RASAL2: variants seen among roughly 807,000 people sequenced by gnomAD.
RASAL2 encodes the protein ras GTPase-activating protein nGAP.
Under a neutral mutation model 128.9 loss-of-function variants are expected in RASAL2, and 58 were observed. The observed-to-expected ratio is 0.45, with a 90% CI of 0.36 to 0.56. The LOEUF (loss-of-function observed/expected upper bound fraction) is 0.56. Ranked by LOEUF, RASAL2 falls within the 20% of genes least tolerant of loss-of-function variation. The pLI is 0.00. For synonymous variants in RASAL2, 561 were observed against 580.8 expected (o/e 0.97, Z 0.49); for missense variants, 1,360 against 1,601.6 (o/e 0.85, Z 2.57).
chr1:178,441,603 G>T lies in RASAL2; in HGVS notation c.883G>T (p.Asp295Tyr). ...CAGCTGTAATTCTGCTTCTGAGAGA[G>T]ACAAGTGGATGGAAAACCTTCGCAG... ...CFSCNSASER[D>Y]KWMENLRRTV... The change falls in exon 7 of 18, where the codon GAC becomes TAC. Residue 295 changes from aspartate (D) to tyrosine (Y), a missense_variant. Around this residue, in one of 3 missense-constraint regions of RASAL2, gnomAD observed 617 missense variants for 714.2 expected, o/e 0.86. Coordinates refer to ENST00000367649, the MANE Select transcript of RASAL2 (RefSeq NM_170692.4). The T allele has an allele frequency of 6.2e-7, 1 of 1,612,710 alleles. No individual in the cohort carries two copies. Among genetic ancestry groups the T allele is most frequent in the South Asian group, 1.1e-5 (1 of 91,024 alleles).
At chr1:178,358,377 A>C (rs1670930165) in intron 3 of RASAL2, among the ~76,000 whole-genome samples, 1 of 152,134 alleles carries the variant, frequency 6.6e-6, no homozygotes, top group South Asian at 2.1e-4. Flanking sequence ...GAAGGTAAAA[A>C]GACCAGTTAG....
chr1:178,326,831 A>G (rs1057134598), intron 3 of RASAL2, among the ~76,000 whole-genome samples: 2 of 152,190 alleles, frequency 1.3e-5, no homozygotes, highest in African/African-American at 4.8e-5. Flanking sequence ...GGGGTGAGCC[A>G]CCACTCCTGG....
chr1:178,192,880 G>A (rs909452291), intron 1 of RASAL2, among the ~76,000 whole-genome samples: 1 of 152,102 alleles, frequency 6.6e-6, no homozygotes. Context: ...CACTGCCCCT[G>A]GGGAAAGTGA....
chr1:178,094,229 G>A lies in RASAL2; in HGVS notation c.-264G>A. On this transcript the variant is annotated 5_prime_UTR_variant, in exon 1 of 18. Coordinates refer to ENST00000367649, the MANE Select transcript of RASAL2 (RefSeq NM_170692.4). The stretch of plus-strand genomic sequence containing the variant: ...TCCCGGGAGGGACCCACACACACCT[G>A]AGCCCGGACCCACCCTTGGTCGGGG... The A allele has an allele frequency of 2.0e-6, 1 of 506,084 alleles. No individual in the cohort carries two copies. Among genetic ancestry groups the A allele is most frequent in the Non-Finnish European group, 3.5e-6 (1 of 289,584 alleles). The allele number at this position is 506,084 out of a possible 1,614,324, so 31.3% of individuals were successfully genotyped here. A position where few individuals can be genotyped will look rare whatever the true frequency, so the allele number is the denominator to read the frequency against.
rs1049867020 is a variant in RASAL2, at chr1:178,099,109, T to C, written c.202+4415T>C. Reference sequence around the variant, plus strand: ...GTTATGTCTCTAAATTTATTTAAAATGTTGCAACTAGTATGGCTAGAAGAA... The same window carrying C: ...GTTATGTCTCTAAATTTATTTAAAACGTTGCAACTAGTATGGCTAGAAGAA... On this transcript the variant is annotated intron_variant, in intron 1 of 17. Transcript: ENST00000367649. Among the ~76,000 whole-genome samples the C allele has an allele frequency of 1.3e-4, 20 of 152,230 alleles. 1 individual carries two copies. The highest frequency in any genetic ancestry group is 1.0e-3 in the Admixed American group (16 of 15,280).
chr1:178,354,106 T>C (rs1007256761), intron 3 of RASAL2, among the ~76,000 whole-genome samples: 2 of 152,196 alleles, frequency 1.3e-5, no homozygotes, highest in African/African-American at 4.8e-5. Context: ...GTTTTACTCA[T>C]TATTATAGTT....
intron 3 of RASAL2, among the ~76,000 whole-genome samples, chr1:178,336,111 T>C (rs761314145): frequency 3.4e-4 from 52 of 152,008 alleles, no homozygotes; most frequent in Non-Finnish European, 7.2e-4. Flanking sequence ...CAAAATAGTA[T>C]AATTTACTTC....
At chr1:178,109,888 C>T (rs1326972385) in intron 1 of RASAL2, among the ~76,000 whole-genome samples, 3 of 152,042 alleles carry the variant, frequency 2.0e-5, no homozygotes, top group Admixed American at 6.6e-5. Flanking sequence ...TGTTGTGGCC[C>T]GCACTTGTAG....
chr1:178,269,542 C>A (rs1314183277), intron 1 of RASAL2, among the ~76,000 whole-genome samples: 1 of 152,120 alleles, frequency 6.6e-6, no homozygotes, highest in African/African-American at 2.4e-5. Flanking sequence ...TGAAGACCTT[C>A]CTGATAAAAT....
At chr1:178,139,738 T>G (rs775295121) in intron 1 of RASAL2, among the ~76,000 whole-genome samples, 1 of 151,982 alleles carries the variant, frequency 6.6e-6, no homozygotes, top group African/African-American at 2.4e-5. Context: ...TTAACGTGGA[T>G]TTTTCTAGGG....
At chr1:178,410,313 G>A (rs913659543) in intron 4 of RASAL2, among the ~76,000 whole-genome samples, 2 of 151,478 alleles carry the variant, frequency 1.3e-5, no homozygotes, top group Non-Finnish European at 2.9e-5. Flanking sequence ...AAGAGTGGGT[G>A]GCTGAAATGT....
chr1:178,418,770 T>C (rs1334846068), intron 4 of RASAL2, among the ~76,000 whole-genome samples: 1 of 152,192 alleles, frequency 6.6e-6, no homozygotes, highest in East Asian at 1.9e-4. Flanking sequence ...CCTTCCTCCA[T>C]TGAAGTTAGA....
chr1:178,328,383 A>G (rs2102359488), intron 3 of RASAL2, among the ~76,000 whole-genome samples: 1 of 152,318 alleles, frequency 6.6e-6, no homozygotes, highest in African/African-American at 2.4e-5. Flanking sequence ...TATCACCTCA[A>G]GCATTAATCA....
chr1:178,111,648 A>C (rs955930173), intron 1 of RASAL2, among the ~76,000 whole-genome samples: 1 of 152,302 alleles, frequency 6.6e-6, no homozygotes, highest in East Asian at 1.9e-4. Context: ...AATTTATTCA[A>C]TGACTAATAA....
chr1:178,126,228 G>A (rs1571510274), intron 1 of RASAL2, among the ~76,000 whole-genome samples: 1 of 152,314 alleles, frequency 6.6e-6, no homozygotes, highest in South Asian at 2.1e-4. Context: ...TCAGTAGCAC[G>A]AAGCAGAAGA....
intron 3 of RASAL2, among the ~76,000 whole-genome samples, chr1:178,303,157 G>A (rs984322138): frequency 1.3e-5 from 2 of 152,148 alleles, no homozygotes; most frequent in African/African-American, 4.8e-5. Context: ...AGAAAAGACA[G>A]TCTTTTTAGT....
At chr1:178,231,762 T>C (rs1261072250) in intron 1 of RASAL2, among the ~76,000 whole-genome samples, 1 of 152,214 alleles carries the variant, frequency 6.6e-6, no homozygotes, top group Non-Finnish European at 1.5e-5. Flanking sequence ...TTATTGTTCC[T>C]TTCCTTGTGC....
intron 1 of RASAL2, among the ~76,000 whole-genome samples, chr1:178,192,244 ATCTTG>A: frequency 1.3e-5 from 2 of 152,138 alleles, no homozygotes; most frequent in African/African-American, 4.8e-5. Flanking sequence ...AATATTTGGT[ATCTTG>A]TTATACTACT....
At chr1:178,317,897 T>C (rs1029490809) in intron 3 of RASAL2, among the ~76,000 whole-genome samples, 47 of 152,062 alleles carry the variant, frequency 3.1e-4, no homozygotes, top group African/African-American at 1.0e-3. Context: ...GGTGTCAATT[T>C]TGGATCTTTC....
Sources: allele counts gnomAD v4.1 joint callset (sites outside exome capture counted in the v4.1 genomes callset), GRCh38; gene constraint gnomAD v4.1.1; regional missense constraint gnomAD v4.1.1; transcripts MANE v1.5; gene names NCBI Gene and HGNC (gene_info 2026-07-23, HGNC 2026-07-21).